OR5B17: variants seen among roughly 807,000 people sequenced by gnomAD.
OR5B17 encodes the protein olfactory receptor family 5 subfamily B member 17.
For synonymous variants in OR5B17, 150 were observed against 135.8 expected (o/e 1.10, Z -0.73); for missense variants, 444 against 378.7 (o/e 1.17, Z -1.43).
rs1343812320 is a variant in OR5B17 at position 58,359,014 on chromosome 11, G to T, written c.56C>A (p.Pro19Gln). 1 of 1,610,102 alleles carries T rather than the reference G, an allele frequency of 6.2e-7. No individual in the cohort carries two copies. The highest frequency in any genetic ancestry group is 8.5e-7 in the Non-Finnish European group (1 of 1,179,682). The part of the protein sequence containing the change: ...EFILLGLTNA[P>Q]ELQVPLFIMF... ...GATAAAGAGGGGAACCTGTAGTTCTGGGGCATTGGTTAGACCAAGCAGGAT... is the reference window on the plus strand; with the variant it reads ...GATAAAGAGGGGAACCTGTAGTTCTTGGGCATTGGTTAGACCAAGCAGGAT... The change falls in exon 1 of 1, where the codon CCA becomes CAA. Residue 19 changes from proline to glutamine, a missense_variant. Coordinates refer to ENST00000357377, the MANE Select transcript of OR5B17 (RefSeq NM_001005489.2).
rs139841692 is a variant in OR5B17 at position 58,358,606 on chromosome 11, G to A, written c.464C>T (p.Ser155Phe). The change falls in exon 1 of 1, where the codon TCT becomes TTT. Residue 155 changes from serine to phenylalanine, a missense_variant. Coordinates refer to ENST00000357377, the MANE Select transcript of OR5B17 (RefSeq NM_001005489.2). Reference sequence around the variant, plus strand: ...GCGAAATGTATCTCCAATTTGGATAGAAGCATTCAGAAAACCAATGACATA... The same window carrying A: ...GCGAAATGTATCTCCAATTTGGATAAAAGCATTCAGAAAACCAATGACATA... ...GCYVIGFLNASIQIGDTFRLS... is the reference protein window; with the variant it reads ...GCYVIGFLNAFIQIGDTFRLS... 7.4e-6 allele frequency: 12 copies of A among 1,614,002 alleles called. No homozygotes were observed. In the African/African-American group the frequency reaches 1.3e-4, roughly 18 times the overall value.
Position 58,358,465 on chromosome 11 carries a change from CT to C in OR5B17, c.604del (p.Ser202ValfsTer12), listed in dbSNP as rs1565141857. On this transcript the variant is annotated frameshift_variant, in exon 1 of 1. Transcript: ENST00000357377. LOFTEE classifies it low-confidence loss of function (END_TRUNC). ...AAGAAGTGCAAAAAAGACATTAAAA[CT>C]TGATATAAGAACAAGAATCAACTCA... is the stretch of plus-strand genomic sequence containing the variant. ...ISELILVLIS[S>X]FNVFFALLVT... The C allele has an allele frequency of 6.2e-7, 1 of 1,613,794 alleles. No homozygotes were observed. The highest frequency in any genetic ancestry group is 2.2e-5 in the East Asian group (1 of 44,832).
At position 58,358,153 on chromosome 11, in the gene OR5B17, G is replaced by A; in HGVS notation, c.917C>T (p.Ala306Val). 1 of 1,591,366 alleles carries A rather than the reference G, an allele frequency of 6.3e-7. No individual in the cohort carries two copies. Among genetic ancestry groups the A allele is most frequent in the Non-Finnish European group, 8.6e-7 (1 of 1,167,718 alleles). The change falls in exon 1 of 1, where the codon GCA (alanine) becomes GTA (valine). Residue 306 changes from alanine (A) to valine (V), a missense_variant. Ala to Val is a moderately conservative substitution (Grantham distance 64, BLOSUM62 0). Coordinates refer to ENST00000357377, the MANE Select transcript of OR5B17 (RefSeq NM_001005489.2). ...AAAGACTGAATCTAGAGAATATTTT[G>A]CCTTCTCAACAACCTTCATGAATGC... ...KNAFMKVVEK[A>V]KYSLDSVF
Position 58,358,651 on chromosome 11 carries a change from GCA to G in OR5B17, c.417_418del (p.Ala140LeufsTer38). The G allele has an allele frequency of 6.2e-7, 1 of 1,614,102 alleles. No homozygotes were observed. The highest frequency in any genetic ancestry group is 8.5e-7 in the Non-Finnish European group (1 of 1,180,022). ...GACATAACAGCCTATAGCCAGACAA[GCA>G]CACACACGTGTTGTCATGGTGGTGG... On this transcript the variant is annotated frameshift_variant, in exon 1 of 1. Coordinates refer to ENST00000357377, the MANE Select transcript of OR5B17 (RefSeq NM_001005489.2). LOFTEE classifies it low-confidence loss of function (END_TRUNC).
rs1854524934 is a variant in OR5B17 at position 58,358,492 on chromosome 11, C to T, written c.578G>A (p.Ser193Asn). The T allele has an allele frequency of 4.3e-6, 7 of 1,613,812 alleles. No homozygotes were observed. The highest frequency in any genetic ancestry group is 5.1e-6 in the Non-Finnish European group (6 of 1,179,950). ...ITLTCSEKHI[S>N]ELILVLISSF... is the part of the protein sequence containing the mutation. ...TGATATAAGAACAAGAATCAACTCA[C>T]TAATGTGTTTCTCAGAGCAGGTCAG... The change falls in exon 1 of 1, where the codon AGT becomes AAT. Residue 193 changes from serine to asparagine, a missense_variant. Coordinates refer to ENST00000357377, the MANE Select transcript of OR5B17 (RefSeq NM_001005489.2).
rs1854539279 is a variant in OR5B17, at chr11:58,359,004, C to A, written c.66G>T (p.Gln22His). The stretch of plus-strand genomic sequence containing the variant: ...GGGTAAACATGATAAAGAGGGGAAC[C>A]TGTAGTTCTGGGGCATTGGTTAGAC... ...LLGLTNAPEL[Q>H]VPLFIMFTLI... The change falls in exon 1 of 1, where the codon CAG becomes CAT. Residue 22 changes from glutamine to histidine, a missense_variant. Gln to His is a conservative substitution (Grantham distance 24). Transcript: ENST00000357377. 6.2e-7 allele frequency: 1 copy of A among 1,611,462 alleles called. No individual in the cohort carries two copies. Among genetic ancestry groups the A allele is most frequent in the South Asian group, 1.1e-5 (1 of 91,042 alleles).
At position 58,358,622 on chromosome 11, in the gene OR5B17, C is replaced by G; in HGVS notation, c.448G>C (p.Gly150Arg). 1 of 1,614,030 alleles carries G rather than the reference C, an allele frequency of 6.2e-7. No homozygotes were observed. Among genetic ancestry groups the G allele is most frequent in the Non-Finnish European group, 8.5e-7 (1 of 1,180,006 alleles). ...ACLAIGCYVI[G>R]FLNASIQIGD... ...ATTTGGATAGAAGCATTCAGAAAAC[C>G]AATGACATAACAGCCTATAGCCAGA... The change falls in exon 1 of 1, where the codon GGT becomes CGT. Residue 150 changes from glycine to arginine, a missense_variant. By Grantham distance (125) the Gly-to-Arg change is moderately radical. Transcript: ENST00000357377.
At position 58,358,242 on chromosome 11, in the gene OR5B17, G is replaced by A. The variant is rs774674642; in HGVS notation, c.828C>T (p.Tyr276=). ...MDTDKIASVF[Y]TMIIPMLSPI... is the part of the protein sequence containing the mutation. ...GACTGAGCATGGGGATGATCATAGT[G>A]TAGAACACAGATGCAATTTTGTCTG... Residue 276 remains tyrosine (Y), a synonymous_variant, in exon 1 of 1, where the codon TAC becomes TAT. Transcript: ENST00000357377. The A allele has an allele frequency of 9.9e-6, 16 of 1,613,148 alleles. No homozygotes were observed. The highest frequency in any genetic ancestry group is 5.0e-5 in the Admixed American group (3 of 59,988).
upstream of OR5B17, chr11:58,359,069 TG>T (rs774417025): frequency 3.1e-5 from 48 of 1,548,124 alleles, no homozygotes; most frequent in Non-Finnish European, 3.6e-5. Flanking sequence ...TTATTCTCCA[TG>T]GATGTTATTT....
Position 58,358,516 on chromosome 11 carries a change from A to C in OR5B17, c.554T>G (p.Leu185Arg), listed in dbSNP as rs747241722. 2.5e-6 allele frequency: 4 copies of C among 1,614,016 alleles called. No homozygotes were observed. In the African/African-American group the frequency reaches 5.3e-5, roughly 22 times the overall value. ...FFCDKPAVIT[L>R]TCSEKHISEL... ...ACTAATGTGTTTCTCAGAGCAGGTC[A>C]GAGTAATGACTGCTGGTTTGTCACA... The change falls in exon 1 of 1, where the codon CTG (leucine) becomes CGG (arginine). Residue 185 changes from leucine to arginine, a missense_variant. Leu to Arg is a moderately radical substitution (Grantham distance 102, BLOSUM62 -2). Transcript: ENST00000357377.
rs112232833 is a variant in OR5B17 at position 58,358,561 on chromosome 11, T to C, written c.509A>G (p.Asn170Ser). 15 of 1,614,070 alleles carry C rather than the reference T, an allele frequency of 9.3e-6. No individual in the cohort carries two copies. In the African/African-American group the frequency reaches 1.1e-4, roughly 11 times the overall value. ...GTCACAGAAAAAGTGATGAATCACA[T>C]TGGACATGCAGAAAGAGAGGCGAAA... ...DTFRLSFCMS[N>S]VIHHFFCDKP... Residue 170 changes from asparagine to serine, a missense_variant, in exon 1 of 1, where the codon AAT becomes AGT. Asn to Ser is a conservative substitution (Grantham distance 46, BLOSUM62 1). Transcript: ENST00000357377.
At position 58,358,349 on chromosome 11, in the gene OR5B17, A is replaced by G. The variant is rs1337760994; in HGVS notation, c.721T>C (p.Ser241Pro). The G allele has an allele frequency of 1.9e-6, 3 of 1,613,686 alleles. No individual in the cohort carries two copies. Among genetic ancestry groups the G allele is most frequent in the Admixed American group, 3.3e-5 (2 of 59,976 alleles). Residue 241 changes from serine to proline, a missense_variant, in exon 1 of 1, where the codon TCT becomes CCT. Ser to Pro is a moderately conservative substitution (Grantham distance 74). Transcript: ENST00000357377. ...GYQKPLSTCGSHLIAIFLFYI... is the reference protein window; with the variant it reads ...GYQKPLSTCGPHLIAIFLFYI... ...AATAAGAAAATGGCAATGAGGTGAG[A>G]ACCACAGGTAGATAAAGGCTTCTGG...
rs771359918 is a variant in OR5B17 at position 58,358,307 on chromosome 11, T to A, written c.763A>T (p.Ile255Phe). ...CTGGAACTTGGTCGTATGTACATGA[T>A]GATGACAGTTATATAAAATAAGAAA... is the stretch of plus-strand genomic sequence containing the variant. ...AIFLFYITVIIMYIRPSSSHS... is the reference protein window; with the variant it reads ...AIFLFYITVIFMYIRPSSSHS... The change falls in exon 1 of 1, where the codon ATC becomes TTC. Residue 255 changes from isoleucine to phenylalanine, a missense_variant. Transcript: ENST00000357377. The A allele has an allele frequency of 1.9e-6, 3 of 1,613,996 alleles. No homozygotes were observed. In the East Asian group the frequency reaches 6.7e-5, roughly 36 times the overall value.
At position 58,358,578 on chromosome 11, in the gene OR5B17, G is replaced by A. The variant is rs752244590; in HGVS notation, c.492C>T (p.Leu164=). Residue 164 remains leucine, a synonymous_variant, in exon 1 of 1, where the codon CTC becomes CTT. Transcript: ENST00000357377. ...ASIQIGDTFR[L]SFCMSNVIHH... The stretch of plus-strand genomic sequence containing the variant: ...GAATCACATTGGACATGCAGAAAGA[G>A]AGGCGAAATGTATCTCCAATTTGGA... 5 of 1,614,018 alleles carry A rather than the reference G, an allele frequency of 3.1e-6. No homozygotes were observed. Among genetic ancestry groups the A allele is most frequent in the Non-Finnish European group, 8.5e-7 (1 of 1,180,038 alleles).
At position 58,358,270 on chromosome 11, in the gene OR5B17, TC is replaced by T. The variant is rs766167691; in HGVS notation, c.799del (p.Asp267ThrfsTer12). On this transcript the variant is annotated frameshift_variant, in exon 1 of 1. Coordinates refer to ENST00000357377, the MANE Select transcript of OR5B17 (RefSeq NM_001005489.2). LOFTEE classifies it low-confidence loss of function (END_TRUNC). ...YIRPSSSHSMDTDKIASVFYT... is the reference protein window; with the variant it reads ...YIRPSSSHSMXTDKIASVFYT... ...GAACACAGATGCAATTTTGTCTGTG[TC>T]CATGGAATGACTGGAACTTGGTCGT... 2 of 1,613,908 alleles carry T rather than the reference TC, an allele frequency of 1.2e-6. No homozygotes were observed. Among genetic ancestry groups the T allele is most frequent in the Admixed American group, 3.3e-5 (2 of 60,000 alleles).
At position 58,358,488 on chromosome 11, in the gene OR5B17, CT is replaced by C. The variant is rs778580719; in HGVS notation, c.581del (p.Glu194GlyfsTer2). On this transcript the variant is annotated frameshift_variant, in exon 1 of 1. Transcript: ENST00000357377. LOFTEE classifies it low-confidence loss of function (END_TRUNC). ...AACTTGATATAAGAACAAGAATCAA[CT>C]CACTAATGTGTTTCTCAGAGCAGGT... ...TLTCSEKHISELILVLISSFN... is the reference protein window; with the variant it reads ...TLTCSEKHISXLILVLISSFN... 5 of 1,613,908 alleles carry C rather than the reference CT, an allele frequency of 3.1e-6. No individual in the cohort carries two copies. Among genetic ancestry groups the C allele is most frequent in the Non-Finnish European group, 4.2e-6 (5 of 1,179,924 alleles).
chr11:58,358,654 CA>C lies in OR5B17; in HGVS notation c.415del (p.Cys139ValfsTer6), dbSNP rs1237066368. On this transcript the variant is annotated frameshift_variant, in exon 1 of 1. Transcript: ENST00000357377. LOFTEE classifies it low-confidence loss of function (END_TRUNC). ...ATAACAGCCTATAGCCAGACAAGCA[CA>C]CACACGTGTTGTCATGGTGGTGGTA... ...HYTTTMTTRV[C>X]ACLAIGCYVI... The C allele has an allele frequency of 1.9e-6, 3 of 1,613,986 alleles. No homozygotes were observed. The African/African-American group carries it at 4.0e-5, about 22-fold the overall frequency.
rs758733972 is a variant in OR5B17 at position 58,358,509 on chromosome 11, G to A, written c.561C>T (p.Cys187=). The change falls in exon 1 of 1, where the codon TGC becomes TGT. Residue 187 remains cysteine (C), a synonymous_variant. Coordinates refer to ENST00000357377, the MANE Select transcript of OR5B17 (RefSeq NM_001005489.2). The part of the protein sequence containing the change: ...CDKPAVITLT[C]SEKHISELIL... Reference sequence around the variant, plus strand: ...TCAACTCACTAATGTGTTTCTCAGAGCAGGTCAGAGTAATGACTGCTGGTT... The same window carrying A: ...TCAACTCACTAATGTGTTTCTCAGAACAGGTCAGAGTAATGACTGCTGGTT... 1.2e-6 allele frequency: 2 copies of A among 1,614,014 alleles called. No homozygotes were observed. The highest frequency in any genetic ancestry group is 3.3e-5 in the Admixed American group (2 of 60,010).
At position 58,358,965 on chromosome 11, in the gene OR5B17, G is replaced by T; in HGVS notation, c.105C>A (p.Ile35=). The T allele has an allele frequency of 6.2e-7, 1 of 1,613,670 alleles. No homozygotes were observed. Among genetic ancestry groups the T allele is most frequent in the African/African-American group, 1.3e-5 (1 of 75,036 alleles). Residue 35 remains isoleucine, a synonymous_variant, in exon 1 of 1, where the codon ATC becomes ATA. Transcript: ENST00000357377. The part of the protein sequence containing the change: ...LFIMFTLIYL[I]TLTGNLGMII... ...TCATCCCCAGGTTCCCAGTCAGAGT[G>T]ATGAGGTAGATGAGGGTAAACATGA...
Sources: allele counts gnomAD v4.1 joint callset, GRCh38; gene constraint gnomAD v4.1.1; transcripts MANE v1.5; gene names NCBI Gene and HGNC (gene_info 2026-07-23, HGNC 2026-07-21).